Variants in LEPR observed in about 807,000 individuals in gnomAD.
The protein encoded by LEPR is leptin receptor.
A neutral mutation model predicts 114.7 loss-of-function variants in LEPR; 56 were observed. The observed-to-expected ratio is 0.49, with a 90% confidence interval of 0.39 to 0.61. LEPR has a LOEUF of 0.61. Ranked by LOEUF, LEPR falls within the 20% of genes least tolerant of loss-of-function variation. The probability of loss-of-function intolerance (pLI) is 0.00; values close to 1 mark genes in which losing one functional copy is unlikely to be tolerated. For synonymous variants in LEPR, 443 were observed against 461.4 expected, an observed-to-expected ratio of 0.96 and a Z score of 0.51; for missense variants, 1,202 against 1,352.9, an observed-to-expected ratio of 0.89 and a Z score of 1.75.
intron 2 of LEPR, chr1:65,435,685 G>A (rs1646552602): frequency 3.0e-6 from 3 of 985,398 alleles, no homozygotes; most frequent in South Asian, 4.7e-5. Flanking sequence ...CCTTTGCAAA[G>A]TTTGCGAAAT....
chr1:65,571,798 A>C (rs554392921), intron 4 of LEPR, among the ~76,000 whole-genome samples: 1 of 112,824 alleles, frequency 8.9e-6, no homozygotes, highest in African/African-American at 3.0e-5. Flanking sequence ...TACCAAAAAA[A>C]AAAAAAAAAA....
chr1:65,571,321 T>C (rs1012298041), intron 4 of LEPR, among the ~76,000 whole-genome samples: 1 of 152,054 alleles, frequency 6.6e-6, no homozygotes, highest in Non-Finnish European at 1.5e-5. Flanking sequence ...ATCCTGCACA[T>C]GTACCCCTGA....
At position 65,570,464 on chromosome 1, in the gene LEPR, T is replaced by C; in HGVS notation, c.41-9T>C. On this transcript the variant is annotated splice_polypyrimidine_tract_variant and intron_variant, in intron 3 of 19. Coordinates refer to ENST00000349533, the MANE Select transcript of LEPR (RefSeq NM_002303.6). Reference sequence around the variant, plus strand: ...CTTTTTTCTATGTGTCTTTTTAATATCCTAACAGAATTTATTTATGTGATA... The same window carrying C: ...CTTTTTTCTATGTGTCTTTTTAATACCCTAACAGAATTTATTTATGTGATA... The C allele has an allele frequency of 6.2e-7, 1 of 1,612,146 alleles. No individual in the cohort carries two copies. Among genetic ancestry groups the C allele is most frequent in the Non-Finnish European group, 8.5e-7 (1 of 1,179,284 alleles).
At chr1:65,564,584 C>T (rs541630048) in intron 2 of LEPR, among the ~76,000 whole-genome samples, 5 of 91,534 alleles carry the variant, frequency 5.5e-5, no homozygotes, top group African/African-American at 2.3e-4. Flanking sequence ...TCCGTGAATC[C>T]GTTTCTTAAT....
chr1:65,480,912 G>C (rs934335894), intron 2 of LEPR, among the ~76,000 whole-genome samples: 2 of 152,148 alleles, frequency 1.3e-5, no homozygotes, highest in Admixed American at 6.5e-5. Flanking sequence ...TGAACAACTA[G>C]CTTACACTCC....
chr1:65,604,993 C>A (rs1165014483), intron 10 of LEPR, 45 bp from the exon 11 acceptor site: 3 of 1,600,418 alleles, frequency 1.9e-6, no homozygotes, highest in Non-Finnish European at 2.6e-6. Context: ...CTTCTTGTTG[C>A]TTTTATTAAT....
At position 65,535,567 on chromosome 1, in the gene LEPR, T is replaced by G. The variant is rs1185330268; in HGVS notation, c.-20-29979T>G. Among the ~76,000 whole-genome samples the G allele has an allele frequency of 3.3e-5, 5 of 151,890 alleles. No homozygotes were observed. In the East Asian group the frequency reaches 9.7e-4, roughly 29 times the overall value. ...AGTCTTGCTATGTTACACAGGGTGG[T>G]CTCAAACTCCTGAACTCAAGTGATC... On this transcript the variant is annotated intron_variant, in intron 2 of 19. Coordinates refer to ENST00000349533, the MANE Select transcript of LEPR (RefSeq NM_002303.6).
chr1:65,539,544 A>C (rs1651035471), intron 2 of LEPR, among the ~76,000 whole-genome samples: 1 of 152,240 alleles, frequency 6.6e-6, no homozygotes, highest in African/African-American at 2.4e-5. Flanking sequence ...CCAAGTTTAC[A>C]TGAAAAGCTC....
chr1:65,454,411 C>T (rs372261658), intron 2 of LEPR, among the ~76,000 whole-genome samples: 75 of 152,016 alleles, frequency 4.9e-4, no homozygotes, highest in African/African-American at 1.5e-3. Flanking sequence ...GATTTTGCAG[C>T]GGCTGGTACC....
intron 19 of LEPR, among the ~76,000 whole-genome samples, chr1:65,627,533 C>T (rs1166160708): frequency 2.0e-5 from 3 of 152,058 alleles, no homozygotes; most frequent in Non-Finnish European, 4.4e-5. Flanking sequence ...GCAACTCTTT[C>T]GGTAAATAGT....
chr1:65,523,871 C>A (rs1209185667), intron 2 of LEPR, among the ~76,000 whole-genome samples: 1 of 152,126 alleles, frequency 6.6e-6, no homozygotes, highest in East Asian at 1.9e-4. Context: ...GAGATGAGAC[C>A]ATCCTGAATT....
At chr1:65,556,190 G>A (rs1410597130) in intron 2 of LEPR, among the ~76,000 whole-genome samples, 1 of 152,144 alleles carries the variant, frequency 6.6e-6, no homozygotes, top group African/African-American at 2.4e-5. Flanking sequence ...ATGAGAAGTA[G>A]TCCTTCACCA....
chr1:65,518,139 A>G (rs1004818971), intron 2 of LEPR, among the ~76,000 whole-genome samples: 7 of 152,146 alleles, frequency 4.6e-5, no homozygotes, highest in African/African-American at 1.7e-4. Flanking sequence ...ACATCCGAGT[A>G]GTTTTATCAG....
At chr1:65,449,351 T>G (rs1290321084) in intron 2 of LEPR, among the ~76,000 whole-genome samples, 2 of 149,572 alleles carry the variant, frequency 1.3e-5, no homozygotes, top group Non-Finnish European at 3.0e-5. Flanking sequence ...GGCAGTGAAC[T>G]CCTCCTGGGG....
At chr1:65,574,125 A>T (rs531140625) in intron 5 of LEPR, among the ~76,000 whole-genome samples, 1 of 152,278 alleles carries the variant, frequency 6.6e-6, no homozygotes, top group South Asian at 2.1e-4. Context: ...GATGGGGGTT[A>T]TCTAGTTAAG....
chr1:65,574,007 G>A (rs1434335351), intron 5 of LEPR, among the ~76,000 whole-genome samples: 1 of 152,182 alleles, frequency 6.6e-6, no homozygotes, highest in Non-Finnish European at 1.5e-5. Flanking sequence ...GGTGCTCAAA[G>A]GCTAGCAGTT....
At chr1:65,575,585 A>G (rs1215783345) in intron 5 of LEPR, among the ~76,000 whole-genome samples, 1 of 151,558 alleles carries the variant, frequency 6.6e-6, no homozygotes, top group East Asian at 1.9e-4. Context: ...GTTAAACATA[A>G]TGTAGATTCA....
intron 2 of LEPR, among the ~76,000 whole-genome samples, chr1:65,467,514 C>G (rs965993818): frequency 6.6e-6 from 1 of 152,188 alleles, no homozygotes. Context: ...AGGAGGCAGT[C>G]TGTCCATTCT....
chr1:65,488,159 C>CCTTCCTTCCTTTCTTTCTTTCTTT (rs1249504387), intron 2 of LEPR, among the ~76,000 whole-genome samples: 1 of 65,440 alleles, frequency 1.5e-5, no homozygotes, highest in Non-Finnish European at 2.7e-5. Context: ...TTCCTTCCTT[C>CCTTCCTTCCTTTCTTTCTTTCTTT]CTTTCTTTCT....
Sources: gnomAD v4.1 joint callset for allele counts (sites outside exome capture counted in the v4.1 genomes callset) on GRCh38, gnomAD v4.1.1 for gene constraint, MANE v1.5 for transcripts, NCBI Gene and HGNC (gene_info 2026-07-23, HGNC 2026-07-21) for gene names.